TRAF2: variants seen among roughly 807,000 people sequenced by gnomAD.
The protein encoded by TRAF2 is TNF receptor associated factor 2.
A neutral mutation model predicts 55.6 loss-of-function variants in TRAF2; 6 were observed. That is an observed-to-expected ratio of 0.11 (90% CI 0.06 to 0.21). The LOEUF is 0.21. TRAF2 is among the 10% of genes least tolerant of loss of function. The pLI, the probability that TRAF2 is intolerant of heterozygous loss-of-function variation, is 1.00. For synonymous variants in TRAF2, 329 were observed against 276.3 expected (o/e 1.19, Z -1.89); for missense variants, 561 against 684.5 (o/e 0.82, Z 2.01).
chr9:136,905,886 C>G (rs904446480), intron 4 of TRAF2, among the ~76,000 whole-genome samples: 1 of 152,126 alleles, frequency 6.6e-6, no homozygotes, highest in African/African-American at 2.4e-5. Flanking sequence ...AGGTGAATCA[C>G]GAGGTCAGGA....
At chr9:136,889,096 C>T (rs753191054) in intron 1 of TRAF2, among the ~76,000 whole-genome samples, 1 of 152,142 alleles carries the variant, frequency 6.6e-6, no homozygotes, top group Non-Finnish European at 1.5e-5. Flanking sequence ...GATCTGATCT[C>T]GTGATCCGCC....
At chr9:136,898,320 C>T (rs1849733540) in intron 1 of TRAF2, among the ~76,000 whole-genome samples, 1 of 152,310 alleles carries the variant, frequency 6.6e-6, no homozygotes, top group Middle Eastern at 3.4e-3. Context: ...ATTGCAGGAA[C>T]CATGGGGGAG....
rs11145927 is a variant in TRAF2 at position 136,897,711 on chromosome 9, C to T, written c.-28-1002C>T. On this transcript the variant is annotated intron_variant, in intron 1 of 10. Transcript: ENST00000247668. ...AGCTAAAGGGAATGCACTAGGCAGC[C>T]CCAGGTGTGCTACGTTCCCGCTCTC... Among the ~76,000 whole-genome samples, 405 of 137,930 alleles carry T rather than the reference C, an allele frequency of 2.9e-3. 4 individuals are homozygous for T. Among genetic ancestry groups the T allele is most frequent in the East Asian group, 0.02 (92 of 4,506 alleles). The allele number at this position is 137,930 out of a possible 152,430, so 90.5% of individuals were successfully genotyped here. A position where few individuals can be genotyped will look rare whatever the true frequency, so the allele number is the denominator to read the frequency against.
At chr9:136,910,061 TG>T in intron 6 of TRAF2, 67 bp downstream of exon 6, 1 of 1,415,798 alleles carries the variant, frequency 7.1e-7, no homozygotes, top group Non-Finnish European at 9.8e-7. Context: ...GAGGGTCCCG[TG>T]GGTGGGGGTG....
intron 1 of TRAF2, among the ~76,000 whole-genome samples, chr9:136,894,057 T>TTG: frequency 7.0e-6 from 1 of 143,470 alleles, no homozygotes; most frequent in East Asian, 2.1e-4. Context: ...CTTTTTTTTT[T>TTG]TTTTTTTGAA....
intron 1 of TRAF2, chr9:136,889,735 A>C (rs1316639091): frequency 6.6e-6 from 1 of 152,332 alleles, no homozygotes; most frequent in Non-Finnish European, 1.5e-5. Flanking sequence ...CTGGGATTAC[A>C]GGTGCAAGCC....
intron 6 of TRAF2, among the ~76,000 whole-genome samples, chr9:136,911,819 T>C (rs1850113968): frequency 6.7e-6 from 1 of 148,400 alleles, no homozygotes; most frequent in African/African-American, 2.5e-5. Context: ...CTAATGTGTG[T>C]GGCGTGCTTG....
rs530015058 is a variant in TRAF2, at chr9:136,896,886, G to C, written c.-28-1827G>C. Among the ~76,000 whole-genome samples, 93 of 152,198 alleles carry C rather than the reference G, an allele frequency of 6.1e-4. 5 individuals are homozygous for C. Among genetic ancestry groups the C allele is most frequent in the Non-Finnish European group, 1.5e-5 (1 of 68,042 alleles). On this transcript the variant is annotated intron_variant, in intron 1 of 10. Transcript: ENST00000247668. ...GCCTCCCAAAGTGCTGAGATTACAG[G>C]CGTGAGAGTTGTAGTTCGTTGAGAG...
intron 4 of TRAF2, among the ~76,000 whole-genome samples, chr9:136,904,019 G>A (rs535008952): frequency 2.0e-5 from 3 of 152,212 alleles, no homozygotes; most frequent in African/African-American, 7.2e-5. Context: ...AGCATGCAGC[G>A]CATCTGAGCA....
At chr9:136,917,436 T>G (rs1380688061) in intron 7 of TRAF2, among the ~76,000 whole-genome samples, 1 of 152,182 alleles carries the variant, frequency 6.6e-6, no homozygotes, top group Admixed American at 6.5e-5. Flanking sequence ...ACTCTGCCCC[T>G]CTGTCGCCAG....
chr9:136,918,729 T>C (rs113239246), intron 7 of TRAF2, among the ~76,000 whole-genome samples: 22 of 152,054 alleles, frequency 1.4e-4, no homozygotes, highest in African/African-American at 5.1e-4. Context: ...TCTTATTTTA[T>C]TTTGTTTTAT....
intron 7 of TRAF2, among the ~76,000 whole-genome samples, chr9:136,919,668 CTTT>C (rs1850335196): frequency 1.5e-5 from 1 of 65,622 alleles, no homozygotes; most frequent in Non-Finnish European, 3.1e-5. Flanking sequence ...CCCCCTCCTT[CTTT>C]CCCTCCCCTT....
intron 4 of TRAF2, among the ~76,000 whole-genome samples, chr9:136,907,863 AAG>A (rs1341237399): frequency 6.6e-6 from 1 of 151,786 alleles, no homozygotes; most frequent in African/African-American, 2.4e-5. Flanking sequence ...GTGTGCGGTG[AAG>A]AGAGTGGAGA....
Position 136,925,916 on chromosome 9 carries a change from T to A in TRAF2, c.*15T>A. 1 of 1,613,362 alleles carries A rather than the reference T, an allele frequency of 6.2e-7. No homozygotes were observed. Among genetic ancestry groups the A allele is most frequent in the Non-Finnish European group, 8.5e-7 (1 of 1,179,610 alleles). ...CAGGGCTCTAACTGCCCCCTACTGGTGTCTGGGGGTTGGGGGCAGCCAGGC... is the reference window on the plus strand; with the variant it reads ...CAGGGCTCTAACTGCCCCCTACTGGAGTCTGGGGGTTGGGGGCAGCCAGGC... On this transcript the variant is annotated 3_prime_UTR_variant, in exon 11 of 11. Coordinates refer to ENST00000247668, the MANE Select transcript of TRAF2 (RefSeq NM_021138.4).
chr9:136,923,149 C>T (rs186807996), intron 9 of TRAF2, among the ~76,000 whole-genome samples: 56 of 152,310 alleles, frequency 3.7e-4, no homozygotes, highest in African/African-American at 1.3e-3. Flanking sequence ...GGGGTTCACT[C>T]TAGCCAGTGC....
rs537181544 is a variant in TRAF2 at position 136,914,651 on chromosome 9, C to T, written c.604-1890C>T. ...TTGCTGTCTCCTTTCTACAGAAAGT[C>T]GTGGTTCCTGTTGACATTGCTATAC... is the stretch of plus-strand genomic sequence containing the variant. On this transcript the variant is annotated intron_variant, in intron 6 of 10. Coordinates refer to ENST00000247668, the MANE Select transcript of TRAF2 (RefSeq NM_021138.4). Among the ~76,000 whole-genome samples the T allele has an allele frequency of 2.9e-4, 44 of 152,306 alleles. No individual in the cohort carries two copies. The East Asian group carries it at 6.6e-3, about 23-fold the overall frequency.
At chr9:136,893,141 G>A (rs949642094) in intron 1 of TRAF2, among the ~76,000 whole-genome samples, 2 of 152,158 alleles carry the variant, frequency 1.3e-5, no homozygotes, top group Non-Finnish European at 2.9e-5. Flanking sequence ...CATCCACATA[G>A]CTCTGCCGCC....
chr9:136,917,654 A>T (rs1033858966), intron 7 of TRAF2, among the ~76,000 whole-genome samples: 2 of 152,190 alleles, frequency 1.3e-5, no homozygotes, highest in Admixed American at 6.5e-5. Context: ...GGATGTCTTG[A>T]CGGCATTTGT....
intron 9 of TRAF2, among the ~76,000 whole-genome samples, chr9:136,923,467 C>T (rs1241990860): frequency 1.3e-5 from 2 of 152,094 alleles, no homozygotes; most frequent in East Asian, 1.9e-4. Context: ...AAAAATTAGC[C>T]AGGTGTGGTG....
Sources: allele counts gnomAD v4.1 joint callset (sites outside exome capture counted in the v4.1 genomes callset), GRCh38; gene constraint gnomAD v4.1.1; transcripts MANE v1.5; gene names NCBI Gene and HGNC (gene_info 2026-07-23, HGNC 2026-07-21).